Variants in PCDHA2 observed in about 807,000 individuals in gnomAD.
PCDHA2 encodes the protein protocadherin alpha 2.
A neutral mutation model predicts 66.0 loss-of-function variants in PCDHA2; 58 were observed. The observed-to-expected ratio is 0.88, with a 90% confidence interval of 0.71 to 1.09. The LOEUF (loss-of-function observed/expected upper bound fraction) is 1.09, where lower values mean the gene tolerates loss of function less well. PCDHA2 is among the 50% of genes least tolerant of loss of function. PCDHA2 has a pLI of 0.00. For synonymous variants in PCDHA2, 634 were observed against 554.0 expected, an observed-to-expected ratio of 1.14 and a Z score of -2.03; for missense variants, 1,267 against 1,242.3, an observed-to-expected ratio of 1.02 and a Z score of -0.30.
rs782271998 is a variant in PCDHA2, at chr5:140,795,099, G to A, written c.135G>A (p.Val45=). Residue 45 remains valine, a synonymous_variant, in exon 1 of 4, where the codon GTG becomes GTA. Transcript: ENST00000526136. ...VPEEAKHGTF[V]GRIAQDLGLE... ...AGGAGGCCAAACACGGCACCTTCGT[G>A]GGCCGCATCGCGCAGGACCTGGGGC... 6.2e-7 allele frequency: 1 copy of A among 1,613,902 alleles called. No homozygotes were observed. The highest frequency in any genetic ancestry group is 8.5e-7 in the Non-Finnish European group (1 of 1,180,048).
chr5:140,795,693 C>T lies in PCDHA2; in HGVS notation c.729C>T (p.Ala243=), dbSNP rs782522858. The T allele has an allele frequency of 2.5e-6, 4 of 1,614,038 alleles. No homozygotes were observed. Among genetic ancestry groups the T allele is most frequent in the Admixed American group, 1.7e-5 (1 of 60,014 alleles). Residue 243 remains alanine (A), a synonymous_variant, in exon 1 of 4, where the codon GCC becomes GCT. Transcript: ENST00000526136. ...TAAATGACAATGAACCAACTTTTGC[C>T]CAATCAGTTTACAAAGTAAAATTGT... The part of the protein sequence containing the change: ...LDVNDNEPTF[A]QSVYKVKLLE...
intron 1 of PCDHA2, among the ~76,000 whole-genome samples, chr5:140,918,975 T>C (rs141194276): frequency 6.6e-6 from 1 of 152,310 alleles, no homozygotes; most frequent in East Asian, 1.9e-4. Flanking sequence ...ATCGTTTAGG[T>C]TAGTTGGTTT....
chr5:141,010,052 A>G lies in PCDHA2; in HGVS notation c.*115A>G. The stretch of plus-strand genomic sequence containing the variant: ...CTACATGAGCCCTCTTAGAGACCTC[A>G]GAAATCTGCAGAAAGTTCCCTGTGT... On this transcript the variant is annotated 3_prime_UTR_variant, in exon 4 of 4. Coordinates refer to ENST00000526136, the MANE Select transcript of PCDHA2 (RefSeq NM_018905.3). The G allele has an allele frequency of 1.3e-6, 2 of 1,598,970 alleles. No homozygotes were observed. Among genetic ancestry groups the G allele is most frequent in the Non-Finnish European group, 1.7e-6 (2 of 1,172,814 alleles).
chr5:140,873,161 C>T (rs946054760), intron 1 of PCDHA2, among the ~76,000 whole-genome samples: 11 of 152,012 alleles, frequency 7.2e-5, no homozygotes, highest in South Asian at 4.2e-4. Context: ...GACTTTAGAT[C>T]GAGAGCTTTT....
intron 1 of PCDHA2, among the ~76,000 whole-genome samples, chr5:140,959,621 A>G (rs1198133284): frequency 6.6e-6 from 1 of 152,152 alleles, no homozygotes; most frequent in African/African-American, 2.4e-5. Flanking sequence ...CTTGTGATAG[A>G]AAAAAAGAGA....
chr5:140,848,469 T>G, intron 1 of PCDHA2: 9 of 1,548,186 alleles, frequency 5.8e-6, no homozygotes, highest in Non-Finnish European at 7.9e-6. Context: ...CAATTTTCAC[T>G]AATTAGAAGA....
At position 140,798,118 on chromosome 5, in the gene PCDHA2, C is replaced by G. The variant is rs147658023; in HGVS notation, c.2388+766C>G. 7.7e-3 allele frequency among the ~76,000 whole-genome samples: 1,170 copies of G among 152,180 alleles called. 14 individuals are homozygous for G. The highest frequency in any genetic ancestry group is 0.027 in the African/African-American group (1,120 of 41,514). ...AACTCCTGGCCTCAAGTGATCCACC[C>G]TCCTAGGCCTCCCAAAGTGCTGGGA... On this transcript the variant is annotated intron_variant, in intron 1 of 3. Coordinates refer to ENST00000526136, the MANE Select transcript of PCDHA2 (RefSeq NM_018905.3).
chr5:140,851,932 TGTA>T lies in PCDHA2; in HGVS notation c.2388+54584_2388+54586del. ...TCACTACATGTTATGTTTCCTGAAT[TGTA>T]GTATGTGACTTTCAAAATGGTGGTT... On this transcript the variant is annotated intron_variant, in intron 1 of 3. Transcript: ENST00000526136. 5.2e-6 allele frequency: 5 copies of T among 965,638 alleles called. 1 individual carries two copies. The highest frequency in any genetic ancestry group is 5.0e-6 in the Non-Finnish European group (4 of 798,866). The allele number at this position is 965,638 out of a possible 1,614,324, so 59.8% of individuals were successfully genotyped here. A position where few individuals can be genotyped will look rare whatever the true frequency, so the allele number is the denominator to read the frequency against.
intron 1 of PCDHA2, among the ~76,000 whole-genome samples, chr5:140,905,476 C>A (rs904790256): frequency 6.6e-6 from 1 of 152,158 alleles, no homozygotes; most frequent in East Asian, 1.9e-4. Flanking sequence ...GTGATGCCTT[C>A]AGATTTCTTC....
chr5:140,826,087 T>C (rs1486098710), intron 1 of PCDHA2, among the ~76,000 whole-genome samples: 1 of 152,234 alleles, frequency 6.6e-6, no homozygotes, highest in East Asian at 1.9e-4. Flanking sequence ...ATTTTATAAG[T>C]ACCCTTCTAT....
At chr5:140,883,455 A>T in intron 1 of PCDHA2, 1 of 1,614,128 alleles carries the variant, frequency 6.2e-7, no homozygotes, top group East Asian at 2.2e-5. Flanking sequence ...GTCCCCTTCA[A>T]GCTGGTGTCC....
At chr5:140,811,325 A>G (rs1347665157) in intron 1 of PCDHA2, 1 of 152,238 alleles carries the variant, frequency 6.6e-6, no homozygotes, top group Non-Finnish European at 1.5e-5. Flanking sequence ...ATGTCTCTAC[A>G]AAGGACATGA....
intron 1 of PCDHA2, among the ~76,000 whole-genome samples, chr5:140,910,954 G>A (rs183183329): frequency 3.4e-4 from 51 of 152,174 alleles, no homozygotes; most frequent in Admixed American, 7.2e-4. Flanking sequence ...CTTTTCGAGT[G>A]TAGCACACCT....
intron 1 of PCDHA2, chr5:140,883,965 T>A (rs781999874): frequency 1.9e-6 from 3 of 1,613,128 alleles, no homozygotes; most frequent in Non-Finnish European, 2.5e-6. Context: ...CCGGCGCTGC[T>A]GACGCCCGGG....
At chr5:140,882,960 C>G in intron 1 of PCDHA2, 11 of 1,614,166 alleles carry the variant, frequency 6.8e-6, no homozygotes, top group Non-Finnish European at 5.9e-6. Flanking sequence ...CTGCTCATCA[C>G]GATTCTGGAC....
At position 140,857,034 on chromosome 5, in the gene PCDHA2, T is replaced by C. The variant is rs374158544; in HGVS notation, c.2388+59682T>C. On this transcript the variant is annotated intron_variant, in intron 1 of 3. Transcript: ENST00000526136. Reference sequence around the variant, plus strand: ...GTTACAGATAAGGGAAACCCACCTATGGTTGGTCACTGCACGGTCCTAGTG... The same window carrying C: ...GTTACAGATAAGGGAAACCCACCTACGGTTGGTCACTGCACGGTCCTAGTG... The C allele has an allele frequency of 5.6e-6, 9 of 1,595,714 alleles. No homozygotes were observed. The African/African-American group carries it at 8.1e-5, about 14-fold the overall frequency.
intron 1 of PCDHA2, chr5:140,830,654 A>G (rs1554132964): frequency 4.6e-6 from 2 of 436,460 alleles, no homozygotes; most frequent in East Asian, 4.6e-5. Context: ...TTTAATATTC[A>G]TAATTTAAGT....
In PCDHA2 at chr5:140,928,891, T is replaced by A. The variant is rs1299939193; in HGVS notation, c.2389-50058T>A. On this transcript the variant is annotated intron_variant, in intron 1 of 3. Coordinates refer to ENST00000526136, the MANE Select transcript of PCDHA2 (RefSeq NM_018905.3). ...CTCTGTCCCTCAGTTACTTCCAGAC[T>A]TTGAAGATGTCTGGGAACCAGGAGG... 1.2e-6 allele frequency: 2 copies of A among 1,614,066 alleles called. No individual in the cohort carries two copies. The highest frequency in any genetic ancestry group is 2.7e-5 in the African/African-American group (2 of 74,942).
chr5:140,832,765 T>C (rs2150203921), intron 1 of PCDHA2, among the ~76,000 whole-genome samples: 1 of 152,268 alleles, frequency 6.6e-6, no homozygotes, highest in East Asian at 1.9e-4. Context: ...GCAAGAATAT[T>C]GTAAGAGGTG....
Sources: allele counts gnomAD v4.1 joint callset (sites outside exome capture counted in the v4.1 genomes callset), GRCh38; gene constraint gnomAD v4.1.1; transcripts MANE v1.5; gene names NCBI Gene and HGNC (gene_info 2026-07-23, HGNC 2026-07-21).